The following FANCC variants were observed in gnomAD, a reference collection of about 807,000 sequenced individuals.
FANCC encodes the protein FA complementation group C, also known as Fanconi anemia group C protein.
A neutral mutation model predicts 71.3 loss-of-function variants in FANCC; 55 were observed. The ratio of observed to expected loss-of-function variants is 0.77; its 90% CI spans 0.62 to 0.97. The LOEUF is 0.97. Among genes scored for constraint, FANCC ranks in the 50% least tolerant of loss-of-function variants. The pLI is 0.00. For synonymous variants in FANCC, 275 were observed against 244.9 expected (o/e 1.12, Z -1.15); for missense variants, 678 against 670.9 (o/e 1.01, Z -0.12).
Position 95,135,360 on chromosome 9 carries a change from T to C in FANCC, c.829A>G (p.Lys277Glu). The change falls in exon 8 of 15, where the codon AAA (lysine) becomes GAA (glutamate). Residue 277 changes from lysine (K) to glutamate (E), a missense_variant. Transcript: ENST00000289081. ...CCAGTACGTACCAGCGATGAATCTT[T>C]TATAAAGCATTCGATCCTTCTCAGA... ...NCLRRIECFI[K>E]DSSLPQAACH... 6.2e-7 allele frequency: 1 copy of C among 1,614,104 alleles called. No homozygotes were observed. The highest frequency in any genetic ancestry group is 8.5e-7 in the Non-Finnish European group (1 of 1,180,010).
intron 11 of FANCC, among the ~76,000 whole-genome samples, chr9:95,115,964 C>T (rs535990274): frequency 6.6e-6 from 1 of 152,338 alleles, no homozygotes; most frequent in Admixed American, 6.5e-5. Flanking sequence ...AACACTTCTT[C>T]AATCTGTGAC....
intron 3 of FANCC, among the ~76,000 whole-genome samples, chr9:95,244,040 G>C (rs773495946): frequency 1.3e-5 from 2 of 152,206 alleles, no homozygotes; most frequent in Non-Finnish European, 2.9e-5. Context: ...GTTTCTGGTT[G>C]TCAGAGGGGC....
At chr9:95,240,489 T>C (rs1830571493) in intron 4 of FANCC, among the ~76,000 whole-genome samples, 160 bp downstream of exon 4, 1 of 152,206 alleles carries the variant, frequency 6.6e-6, no homozygotes, top group African/African-American at 2.4e-5. Context: ...CTTGAAAAAC[T>C]TTTTACTCAG....
chr9:95,158,807 T>C (rs1041915391), intron 6 of FANCC, among the ~76,000 whole-genome samples: 2 of 152,162 alleles, frequency 1.3e-5, no homozygotes, highest in South Asian at 2.1e-4. Flanking sequence ...ATGCTGCTGA[T>C]TGGTAGGGCC....
At chr9:95,160,610 A>T (rs1830686923) in intron 6 of FANCC, among the ~76,000 whole-genome samples, 6 of 152,168 alleles carry the variant, frequency 3.9e-5, no homozygotes, top group Admixed American at 3.9e-4. Context: ...TCTATAAATT[A>T]CCTTGGGCAG....
chr9:95,175,986 T>C (rs994860165), intron 4 of FANCC, among the ~76,000 whole-genome samples: 3 of 152,234 alleles, frequency 2.0e-5, no homozygotes, highest in Admixed American at 6.5e-5. Flanking sequence ...GGGAGGGCAG[T>C]GTCAGAAGAA....
In FANCC at chr9:95,247,212, C is replaced by T. The variant is rs356667; in HGVS notation, c.250+220G>A. ...GAAGATCTGCATGGGTGCGTGCACG[C>T]GTGTGTGTGTGTGTGTGTGTGTGTT... On this transcript the variant is annotated intron_variant, in intron 3 of 14. Transcript: ENST00000289081. 0.19 allele frequency among the ~76,000 whole-genome samples: 28,465 copies of T among 149,502 alleles called. 2,778 individuals carry two copies. The highest frequency in any genetic ancestry group is 0.3 in the East Asian group (1,502 of 5,066).
intron 4 of FANCC, among the ~76,000 whole-genome samples, chr9:95,181,148 A>G (rs1422824899): frequency 8.1e-6 from 1 of 124,070 alleles, no homozygotes; most frequent in Non-Finnish European, 1.7e-5. Flanking sequence ...ACACACACAC[A>G]CACGTACACA....
rs115695790 is a variant in FANCC, at chr9:95,145,033, G to A, written c.686+4890C>T. ...GAAACCTGCATTTTGACCATTTTTC[G>A]AATCAAGTGACTTAATCTTCTAATT... On this transcript the variant is annotated intron_variant, in intron 7 of 14. Transcript: ENST00000289081. Among the ~76,000 whole-genome samples, 326 of 152,142 alleles carry A rather than the reference G, an allele frequency of 2.1e-3. 1 individual carries two copies. Among genetic ancestry groups the A allele is most frequent in the African/African-American group, 7.3e-3 (305 of 41,518 alleles).
At chr9:95,290,760 G>T (rs993064795) in intron 1 of FANCC, among the ~76,000 whole-genome samples, 4 of 152,106 alleles carry the variant, frequency 2.6e-5, no homozygotes, top group Non-Finnish European at 5.9e-5. Flanking sequence ...AGAATAGGAG[G>T]CAAAGACACA....
chr9:95,317,113 A>T (rs1258401727), intron 1 of FANCC: 1 of 152,410 alleles, frequency 6.6e-6, no homozygotes, highest in Non-Finnish European at 1.5e-5. Context: ...CACGAGTCCG[A>T]GGCAGAGAAA....
intron 6 of FANCC, 23 bp from the exon 7 acceptor site, chr9:95,150,110 TC>T: frequency 6.2e-7 from 1 of 1,613,480 alleles, no homozygotes; most frequent in Non-Finnish European, 8.5e-7. Flanking sequence ...TAAGAAATAA[TC>T]ACTCAAATCT....
chr9:95,216,781 G>C (rs1828889228), intron 4 of FANCC, among the ~76,000 whole-genome samples: 2 of 152,188 alleles, frequency 1.3e-5, no homozygotes, highest in South Asian at 2.1e-4. Flanking sequence ...TCTGGGACCA[G>C]AGGAGCAGAT....
rs937399379 is a variant in FANCC at position 95,238,549 on chromosome 9, C to CT, written c.345+2099dup. Among the ~76,000 whole-genome samples the CT allele has an allele frequency of 3.6e-3, 536 of 150,868 alleles. 2 individuals carry two copies. The highest frequency in any genetic ancestry group is 0.012 in the African/African-American group (511 of 41,104). On this transcript the variant is annotated intron_variant, in intron 4 of 14. Coordinates refer to ENST00000289081, the MANE Select transcript of FANCC (RefSeq NM_000136.3). ...CACACTGGCTACATGATATCTCTGG[C>CT]TTTTTTTTTCCTTTTTTCTTTTTTT...
At chr9:95,172,187 T>C in intron 4 of FANCC, 40 bp from the exon 5 acceptor site, 1 of 1,303,458 alleles carries the variant, frequency 7.7e-7, no homozygotes, top group Non-Finnish European at 1.1e-6. Flanking sequence ...TCTTTAAAAG[T>C]AAATGCAAGT....
intron 6 of FANCC, among the ~76,000 whole-genome samples, chr9:95,163,204 C>T (rs1278836701): frequency 1.3e-5 from 2 of 152,198 alleles, no homozygotes; most frequent in African/African-American, 4.8e-5. Flanking sequence ...TTTTCCCAAT[C>T]TTATAGACAG....
intron 7 of FANCC, among the ~76,000 whole-genome samples, chr9:95,141,154 A>G (rs1477818476): frequency 6.6e-6 from 1 of 151,810 alleles, no homozygotes; most frequent in Non-Finnish European, 1.5e-5. Flanking sequence ...TACCAGAAAT[A>G]CAAAATAATT....
chr9:95,179,928 A>G lies in FANCC; in HGVS notation c.346-7781T>C, dbSNP rs188198472. Among the ~76,000 whole-genome samples the G allele has an allele frequency of 1.3e-4, 20 of 152,362 alleles. No individual in the cohort carries two copies. In the South Asian group the frequency reaches 2.9e-3, roughly 22 times the overall value. On this transcript the variant is annotated intron_variant, in intron 4 of 14. Transcript: ENST00000289081. Reference sequence around the variant, plus strand: ...TCTAAAAAGACAAAGTTTATCCATAACATTAGCTCTTAAGATTTTGGCTAC... The same window carrying G: ...TCTAAAAAGACAAAGTTTATCCATAGCATTAGCTCTTAAGATTTTGGCTAC...
intron 1 of FANCC, among the ~76,000 whole-genome samples, chr9:95,291,918 A>C (rs1374053234): frequency 7.4e-6 from 1 of 134,704 alleles, no homozygotes; most frequent in Non-Finnish European, 1.5e-5. Context: ...ACTCCACTCC[A>C]GCCTAGGTGA....
Sources: allele counts gnomAD v4.1 joint callset (sites outside exome capture counted in the v4.1 genomes callset), GRCh38; gene constraint gnomAD v4.1.1; transcripts MANE v1.5; gene names NCBI Gene and HGNC (gene_info 2026-07-23, HGNC 2026-07-21).